WDFY4: variants seen among roughly 807,000 people sequenced by gnomAD.
WDFY4 encodes the protein WD repeat- and FYVE domain-containing protein 4.
In WDFY4, 169 loss-of-function variants were observed where a neutral mutation model predicts 351.9. The ratio of observed to expected loss-of-function variants is 0.48; its 90% CI spans 0.42 to 0.55. WDFY4 has a LOEUF of 0.55. Ranked by LOEUF, WDFY4 falls within the 20% of genes least tolerant of loss-of-function variation. The probability of loss-of-function intolerance (pLI) is 0.00; values close to 1 mark genes in which losing one functional copy is unlikely to be tolerated. For missense variants in WDFY4, 3,803 were observed against 3,935.6 expected, an observed-to-expected ratio of 0.97 and a Z score of 0.90; for synonymous variants, 1,622 against 1,574.6, an observed-to-expected ratio of 1.03 and a Z score of -0.71.
At chr10:48,775,608 A>G in intron 14 of WDFY4, 104 bp from the exon 15 acceptor site, 1 of 1,059,458 alleles carries the variant, frequency 9.4e-7, no homozygotes, top group Non-Finnish European at 1.4e-6. Flanking sequence ...TGGGGCTGGG[A>G]GGTCAGGGAG....
At chr10:48,719,012 A>G (rs544668504) in intron 2 of WDFY4, among the ~76,000 whole-genome samples, 1 of 152,358 alleles carries the variant, frequency 6.6e-6, no homozygotes, top group East Asian at 1.9e-4. Context: ...AAGAGATTAA[A>G]AACAACAACT....
intron 39 of WDFY4, among the ~76,000 whole-genome samples, chr10:48,863,078 T>C (rs1403347117): frequency 6.6e-6 from 1 of 152,190 alleles, no homozygotes; most frequent in Non-Finnish European, 1.5e-5. Flanking sequence ...AGACAGACCA[T>C]ATTTTGTTTA....
chr10:48,705,633 G>A (rs1471846421), intron 1 of WDFY4, among the ~76,000 whole-genome samples: 1 of 152,238 alleles, frequency 6.6e-6, no homozygotes, highest in Non-Finnish European at 1.5e-5. Context: ...CTTGGCATTT[G>A]AGTCAGATGC....
At position 48,950,127 on chromosome 10, in the gene WDFY4, A is replaced by G. The variant is rs181896806; in HGVS notation, c.7977+3158A>G. 1.8e-3 allele frequency among the ~76,000 whole-genome samples: 280 copies of G among 152,310 alleles called. 1 individual carries two copies. Among genetic ancestry groups the G allele is most frequent in the South Asian group, 4.4e-3 (21 of 4,826 alleles). On this transcript the variant is annotated intron_variant, in intron 51 of 61. Transcript: ENST00000325239. ...AGTGCATACACATGGTTGTGCAGCCATCGCCACCATCTGCCTCCAGAACTT... is the reference window on the plus strand; with the variant it reads ...AGTGCATACACATGGTTGTGCAGCCGTCGCCACCATCTGCCTCCAGAACTT...
rs1376595418 is a variant in WDFY4, at chr10:48,719,199, A to AT, written c.235-806dup. Among the ~76,000 whole-genome samples, 4 of 152,230 alleles carry AT rather than the reference A, an allele frequency of 2.6e-5. No homozygotes were observed. In the East Asian group the frequency reaches 7.7e-4, roughly 29 times the overall value. On this transcript the variant is annotated intron_variant, in intron 2 of 61. Transcript: ENST00000325239. The stretch of plus-strand genomic sequence containing the variant: ...GCAGTTATATTATGGCCTATCTAAC[A>AT]TTTTTTATATACAAAGAGCTCTTTT...
intron 39 of WDFY4, among the ~76,000 whole-genome samples, chr10:48,837,064 A>G (rs1312648762): frequency 3.3e-5 from 5 of 152,164 alleles, no homozygotes; most frequent in African/African-American, 9.7e-5. Context: ...GGGTAGATGA[A>G]AACTCTCTAC....
chr10:48,815,780 T>C (rs1009575669), intron 31 of WDFY4, among the ~76,000 whole-genome samples: 4 of 152,144 alleles, frequency 2.6e-5, no homozygotes, highest in African/African-American at 9.7e-5. Flanking sequence ...ATTACATCAA[T>C]AGATTTCTTT....
intron 1 of WDFY4, among the ~76,000 whole-genome samples, chr10:48,692,324 A>G (rs2063217401): frequency 6.6e-6 from 1 of 152,216 alleles, no homozygotes; most frequent in African/African-American, 2.4e-5. Context: ...TATCCGAGTG[A>G]CAGGAACAGA....
chr10:48,875,111 A>C lies in WDFY4; in HGVS notation c.6971A>C (p.His2324Pro). The C allele has an allele frequency of 6.7e-7, 1 of 1,490,122 alleles. No individual in the cohort carries two copies. The highest frequency in any genetic ancestry group is 1.4e-5 in the South Asian group (1 of 70,936). 92.3% of individuals were successfully genotyped at this position (1,490,122 alleles called of 1,614,324 possible). The part of the protein sequence containing the change: ...RHKESQDKND[H>P]ISQTNAENQD... ...CAGGAAAGCCAAGACAAAAATGATC[A>C]TATTTCTCAAACAAATGCTGAAAAC... The change falls in exon 42 of 62, where the codon CAT becomes CCT. Residue 2324 changes from histidine to proline, a missense_variant. His to Pro is a moderately conservative substitution (Grantham distance 77, BLOSUM62 -2). Around this residue, in one of 3 missense-constraint regions of WDFY4, gnomAD observed 3,054 missense variants for 3,148.6 expected, o/e 0.97. Coordinates refer to ENST00000325239, the MANE Select transcript of WDFY4 (RefSeq NM_001394531.1).
At position 48,717,716 on chromosome 10, in the gene WDFY4, C is replaced by T. The variant is rs560912717; in HGVS notation, c.235-2295C>T. Among the ~76,000 whole-genome samples the T allele has an allele frequency of 2.8e-4, 43 of 152,320 alleles. No homozygotes were observed. The South Asian group carries it at 6.4e-3, about 23-fold the overall frequency. Reference sequence around the variant, plus strand: ...TCAACATTCTATTTCTGGGATTCATCCATGTTGATGCATCTAGCTCCATTT... The same window carrying T: ...TCAACATTCTATTTCTGGGATTCATTCATGTTGATGCATCTAGCTCCATTT... On this transcript the variant is annotated intron_variant, in intron 2 of 61. Transcript: ENST00000325239.
At chr10:48,896,249 G>T (rs1837071117) in intron 44 of WDFY4, among the ~76,000 whole-genome samples, 1 of 152,228 alleles carries the variant, frequency 6.6e-6, no homozygotes, top group Non-Finnish European at 1.5e-5. Context: ...TGTGGTTCCT[G>T]TTAGCATGGA....
intron 44 of WDFY4, among the ~76,000 whole-genome samples, chr10:48,892,174 G>A (rs989337126): frequency 2.0e-5 from 3 of 152,148 alleles, no homozygotes; most frequent in Non-Finnish European, 4.4e-5. Context: ...CCATATGCAC[G>A]GTGTGCCCCT....
chr10:48,876,070 G>C (rs997400703), intron 42 of WDFY4, among the ~76,000 whole-genome samples: 1 of 152,162 alleles, frequency 6.6e-6, no homozygotes, highest in Admixed American at 6.5e-5. Context: ...GACATGCAGA[G>C]CCCCTGGGTG....
chr10:48,685,485 A>G (rs11101427), intron 1 of WDFY4, among the ~76,000 whole-genome samples: 11 of 152,192 alleles, frequency 7.2e-5, no homozygotes, highest in Non-Finnish European at 1.5e-4. Context: ...AACGGGCCTC[A>G]GAGGGAGCTG....
intron 47 of WDFY4, among the ~76,000 whole-genome samples, chr10:48,905,965 G>T (rs1181710963): frequency 6.6e-6 from 1 of 152,212 alleles, no homozygotes; most frequent in African/African-American, 2.4e-5. Flanking sequence ...TCTCTTGCCA[G>T]CCCAATTGTG....
intron 1 of WDFY4, among the ~76,000 whole-genome samples, chr10:48,707,353 T>C (rs1565113409): frequency 6.6e-6 from 1 of 152,224 alleles, no homozygotes; most frequent in Admixed American, 6.5e-5. Context: ...TGGAGGCATC[T>C]TAGTTTGTGG....
At chr10:48,849,845 G>T (rs2068898888) in intron 39 of WDFY4, among the ~76,000 whole-genome samples, 1 of 152,176 alleles carries the variant, frequency 6.6e-6, no homozygotes, top group East Asian at 1.9e-4. Context: ...TCAATCCAGG[G>T]TACCACATTA....
chr10:48,871,747 G>A (rs1030133585), intron 40 of WDFY4, among the ~76,000 whole-genome samples: 7 of 152,162 alleles, frequency 4.6e-5, no homozygotes, highest in African/African-American at 1.7e-4. Context: ...AAAGCTCTGG[G>A]ATTAGAGGCA....
chr10:48,769,321 T>C (rs1015630627), intron 13 of WDFY4, among the ~76,000 whole-genome samples: 1 of 152,170 alleles, frequency 6.6e-6, no homozygotes, highest in Non-Finnish European at 1.5e-5. Context: ...AAATGGAAAG[T>C]TCATGCTCAT....
Sources: gnomAD v4.1 joint callset for allele counts (sites outside exome capture counted in the v4.1 genomes callset) on GRCh38, gnomAD v4.1.1 for gene constraint, gnomAD v4.1.1 regional missense constraint, MANE v1.5 for transcripts, NCBI Gene and HGNC (gene_info 2026-07-23, HGNC 2026-07-21) for gene names.